The following PPP6R3 variants were observed in gnomAD, a reference collection of about 807,000 sequenced individuals.
PPP6R3 encodes the protein protein phosphatase 6 regulatory subunit 3, also known as serine/threonine-protein phosphatase 6 regulatory subunit 3.
PPP6R3 carries 38 observed loss-of-function variants against 110.7 expected under a neutral mutation model. That is an observed-to-expected ratio of 0.34 (90% CI 0.26 to 0.45). The LOEUF (loss-of-function observed/expected upper bound fraction) is 0.45, where lower values mean the gene tolerates loss of function less well. Ranked by LOEUF, PPP6R3 falls within the 20% of genes least tolerant of loss-of-function variation. PPP6R3 has a pLI of 1.00. For missense variants in PPP6R3, 870 were observed against 1,062.4 expected (o/e 0.82, Z 2.52); for synonymous variants, 369 against 373.5 (o/e 0.99, Z 0.14).
At chr11:68,547,037 A>G (rs1204781495) in intron 4 of PPP6R3, among the ~76,000 whole-genome samples, 1 of 152,216 alleles carries the variant, frequency 6.6e-6, no homozygotes, top group African/African-American at 2.4e-5. Flanking sequence ...TGTGTTGGTT[A>G]ATCCTGTATT....
Position 68,463,355 on chromosome 11 carries a change from GAAAAAAAAA to G in PPP6R3, c.-158+2542_-158+2550del, listed in dbSNP as rs1156285158. On this transcript the variant is annotated intron_variant, in intron 1 of 23. Transcript: ENST00000393800. ...GGAGACAGAGCGAGACTCAGTCTCA[GAAAAAAAAA>G]AAAAAAAAAAAAAGATAGGGCTTTG... is the stretch of plus-strand genomic sequence containing the variant. Among the ~76,000 whole-genome samples, 14 of 54,626 alleles carry G rather than the reference GAAAAAAAAA, an allele frequency of 2.6e-4. No individual in the cohort carries two copies. In the South Asian group the frequency reaches 9.8e-3, roughly 38 times the overall value. 35.8% of individuals were successfully genotyped at this position (54,626 alleles called of 152,430 possible).
At chr11:68,580,746 C>CTTTTTTTTT (rs71043441) in intron 14 of PPP6R3, among the ~76,000 whole-genome samples, 4 of 67,476 alleles carry the variant, frequency 5.9e-5, no homozygotes, top group Non-Finnish European at 5.7e-5. Flanking sequence ...GGTAAATAAT[C>CTTTTTTTTT]TTTTTTTTTT....
At chr11:68,498,847 G>GA (rs1324928955) in intron 1 of PPP6R3, among the ~76,000 whole-genome samples, 1 of 152,220 alleles carries the variant, frequency 6.6e-6, no homozygotes, top group Non-Finnish European at 1.5e-5. Context: ...ACCTAAGGGT[G>GA]AAATTGCTAG....
At chr11:68,484,283 G>A (rs747148674) in intron 1 of PPP6R3, among the ~76,000 whole-genome samples, 31 of 152,180 alleles carry the variant, frequency 2.0e-4, no homozygotes, top group Admixed American at 2.0e-4. Context: ...TTGCTGTTTG[G>A]AAGAAACTGC....
chr11:68,515,226 A>G (rs1329143377), intron 1 of PPP6R3: 1 of 152,928 alleles, frequency 6.5e-6, no homozygotes, highest in Non-Finnish European at 1.5e-5. Flanking sequence ...AAACAGGCCA[A>G]ACTCTGCTGG....
intron 18 of PPP6R3, among the ~76,000 whole-genome samples, chr11:68,592,346 CATTTT>C (rs1400621694): frequency 6.6e-6 from 1 of 152,156 alleles, no homozygotes; most frequent in East Asian, 1.9e-4. Context: ...TATTGTTACT[CATTTT>C]ATTCATTTAC....
At chr11:68,600,254 CT>C in intron 19 of PPP6R3, 86 bp from the exon 20 acceptor site, 1 of 1,451,616 alleles carries the variant, frequency 6.9e-7, no homozygotes, top group South Asian at 1.2e-5. Flanking sequence ...GCTCCAGTCT[CT>C]TTTGCTAATG....
intron 1 of PPP6R3, among the ~76,000 whole-genome samples, chr11:68,494,761 T>G (rs879799269): frequency 2.0e-5 from 3 of 152,192 alleles, no homozygotes; most frequent in Non-Finnish European, 2.9e-5. Flanking sequence ...CTTTTTGTTT[T>G]AATCTCTGTA....
chr11:68,558,533 C>A, intron 7 of PPP6R3, 33 bp from the exon 8 acceptor site: 1 of 1,388,420 alleles, frequency 7.2e-7, no homozygotes, highest in Non-Finnish European at 1.0e-6. Context: ...ATAAGTGATA[C>A]TGCAGTTAGT....
At chr11:68,590,790 C>T in intron 17 of PPP6R3, 76 bp downstream of exon 17, 1 of 1,417,336 alleles carries the variant, frequency 7.1e-7, no homozygotes, top group South Asian at 1.6e-5. Flanking sequence ...GTGGATGCCA[C>T]ATGCTGGGAC....
chr11:68,537,377 A>C (rs2099276397), intron 2 of PPP6R3, among the ~76,000 whole-genome samples: 1 of 152,348 alleles, frequency 6.6e-6, no homozygotes, highest in Admixed American at 6.5e-5. Context: ...ACTTCTTAAT[A>C]GTATGGATGA....
chr11:68,563,421 T>C (rs1441031600), intron 8 of PPP6R3, among the ~76,000 whole-genome samples: 1 of 152,224 alleles, frequency 6.6e-6, no homozygotes, highest in Non-Finnish European at 1.5e-5. Flanking sequence ...AGCATAGTTA[T>C]GATGGCATTT....
chr11:68,601,618 T>C (rs909442375), intron 20 of PPP6R3, among the ~76,000 whole-genome samples: 6 of 152,274 alleles, frequency 3.9e-5, no homozygotes, highest in African/African-American at 1.4e-4. Context: ...CTAGAATGCT[T>C]TACAAAGTCC....
At chr11:68,504,328 A>G (rs1203496742) in intron 1 of PPP6R3, among the ~76,000 whole-genome samples, 2 of 152,190 alleles carry the variant, frequency 1.3e-5, no homozygotes, top group African/African-American at 2.4e-5. Context: ...AGGCCACACA[A>G]TGTATATAGA....
chr11:68,614,217 A>C lies in PPP6R3; in HGVS notation c.*1100A>C. 1.0e-6 allele frequency: 1 copy of C among 988,468 alleles called. No individual in the cohort carries two copies. Among genetic ancestry groups the C allele is most frequent in the Non-Finnish European group, 1.2e-6 (1 of 831,784 alleles). 61.2% of individuals were successfully genotyped at this position (988,468 alleles called of 1,614,324 possible). A position where few individuals can be genotyped will look rare whatever the true frequency, so the allele number is the denominator to read the frequency against. On this transcript the variant is annotated 3_prime_UTR_variant, in exon 24 of 24. Coordinates refer to ENST00000393800, the MANE Select transcript of PPP6R3 (RefSeq NM_001164161.2). ...AGGTTTTCACTCATAAATTTAAACC[A>C]GTGTATTTTTTTAGAACTGGTTTGT...
intron 1 of PPP6R3, among the ~76,000 whole-genome samples, chr11:68,498,724 T>C (rs1227896013): frequency 2.0e-5 from 3 of 152,256 alleles, no homozygotes; most frequent in African/African-American, 4.8e-5. Flanking sequence ...GTTCTGTTGT[T>C]GATGGACATT....
intron 3 of PPP6R3, among the ~76,000 whole-genome samples, chr11:68,542,678 G>A (rs933534580): frequency 7.2e-5 from 11 of 152,100 alleles, no homozygotes; most frequent in Non-Finnish European, 1.2e-4. Flanking sequence ...ATTGGTGTGC[G>A]CCACCGCGCT....
chr11:68,469,320 T>C (rs774169877), intron 1 of PPP6R3, among the ~76,000 whole-genome samples: 5 of 152,184 alleles, frequency 3.3e-5, no homozygotes, highest in Admixed American at 6.5e-5. Flanking sequence ...CTTTTTGAGA[T>C]AGAGTCCCAG....
rs969200744 is a variant in PPP6R3, at chr11:68,461,230, C to T, written c.-158+403C>T. 4.6e-5 allele frequency among the ~76,000 whole-genome samples: 7 copies of T among 151,750 alleles called. No homozygotes were observed. In the East Asian group the frequency reaches 1.2e-3, roughly 25 times the overall value. On this transcript the variant is annotated intron_variant, in intron 1 of 23. Transcript: ENST00000393800. ...CCGCCCGGCCCGCGCCCGGTCTCCG[C>T]TCCCGCTGGGCCTCCCGGGGGCCTC...
Sources: gnomAD v4.1 joint callset for allele counts (sites outside exome capture counted in the v4.1 genomes callset) on GRCh38, gnomAD v4.1.1 for gene constraint, MANE v1.5 for transcripts, NCBI Gene and HGNC (gene_info 2026-07-23, HGNC 2026-07-21) for gene names.